ABRACL: variants seen among roughly 807,000 people sequenced by gnomAD.
The protein encoded by ABRACL is ABRA C-terminal like.
A neutral mutation model predicts 7.0 loss-of-function variants in ABRACL; 4 were observed. That is an observed-to-expected ratio of 0.57 (90% CI 0.28 to 1.30). ABRACL has a LOEUF of 1.30. Ranked by LOEUF, ABRACL falls within the 50% of genes most tolerant of loss-of-function variation. The pLI is 0.10. For missense variants in ABRACL, 104 were observed against 97.3 expected, an observed-to-expected ratio of 1.07 and a Z score of -0.29; for synonymous variants, 30 against 36.0, an observed-to-expected ratio of 0.83 and a Z score of 0.60.
intron 2 of ABRACL, 124 bp from the exon 3 acceptor site, chr6:139,042,595 A>G (rs1786268362): frequency 1.2e-6 from 1 of 834,348 alleles, no homozygotes; most frequent in Non-Finnish European, 1.9e-6. Flanking sequence ...TATGACTGTT[A>G]AGTGTTAAAT....
chr6:139,037,021 A>G (rs4896420), intron 2 of ABRACL, among the ~76,000 whole-genome samples: 2,509 of 109,532 alleles, frequency 0.023, 66 homozygotes, highest in Admixed American at 0.08. Flanking sequence ...TCATGAGGCA[A>G]TTATCCGAAA....
intron 1 of ABRACL, among the ~76,000 whole-genome samples, chr6:139,030,243 T>G (rs911017352): frequency 6.6e-6 from 1 of 152,190 alleles, no homozygotes; most frequent in African/African-American, 2.4e-5. Context: ...GTAATTGGTA[T>G]ATCCATCACC....
At chr6:139,030,066 C>T (rs981441545) in intron 1 of ABRACL, among the ~76,000 whole-genome samples, 2 of 152,108 alleles carry the variant, frequency 1.3e-5, no homozygotes, top group South Asian at 4.1e-4. Flanking sequence ...ACCTCGCCTT[C>T]CCTGGAGCCT....
intron 2 of ABRACL, among the ~76,000 whole-genome samples, chr6:139,036,036 G>A (rs1266516988): frequency 1.4e-4 from 21 of 151,920 alleles, no homozygotes; most frequent in Admixed American, 8.5e-4. Flanking sequence ...CTCGGGAGGC[G>A]GAGGTTGCAG....
At chr6:139,037,868 C>T (rs1786187714) in intron 2 of ABRACL, among the ~76,000 whole-genome samples, 1 of 151,284 alleles carries the variant, frequency 6.6e-6, no homozygotes, top group Non-Finnish European at 1.5e-5. Context: ...CCTCTGCCTC[C>T]TGGGTTCAAA....
Position 139,042,862 on chromosome 6 carries a change from G to C in ABRACL, c.205G>C (p.Gly69Arg). The change falls in exon 3 of 3, where the codon GGT becomes CGT. Residue 69 changes from glycine to arginine, a missense_variant. Physicochemically the swap from Gly to Arg is moderately radical, Grantham distance 125 (BLOSUM62 -2). Coordinates refer to ENST00000367660, the MANE Select transcript of ABRACL (RefSeq NM_021243.3). ...ATATCCAGGAGAGCTGCTTCTGCAA[G>C]GTGTTCATGATGATGTTGACATTAT... The part of the protein sequence containing the change: ...VTYPGELLLQ[G>R]VHDDVDIILL... 2 of 1,613,464 alleles carry C rather than the reference G, an allele frequency of 1.2e-6. No individual in the cohort carries two copies. The highest frequency in any genetic ancestry group is 1.7e-6 in the Non-Finnish European group (2 of 1,179,780).
chr6:139,038,966 A>G (rs747357630), intron 2 of ABRACL, among the ~76,000 whole-genome samples: 1 of 152,342 alleles, frequency 6.6e-6, no homozygotes, highest in Middle Eastern at 3.4e-3. Context: ...GCTCATGCCT[A>G]TAATCCCAGC....
chr6:139,029,582 G>A (rs1786048241), intron 1 of ABRACL, among the ~76,000 whole-genome samples: 1 of 152,162 alleles, frequency 6.6e-6, no homozygotes, highest in African/African-American at 2.4e-5. Context: ...CCCCAGCCCT[G>A]CACTGGTGCC....
At position 139,034,429 on chromosome 6, in the gene ABRACL, A is replaced by G. The variant is rs1368353071; in HGVS notation, c.61+208A>G. The G allele has an allele frequency of 1.3e-5, 19 of 1,519,700 alleles. No homozygotes were observed. The East Asian group carries it at 3.7e-4, about 30-fold the overall frequency. The allele number at this position is 1,519,700 out of a possible 1,614,324, so 94.1% of individuals were successfully genotyped here. A position where few individuals can be genotyped will look rare whatever the true frequency, so the allele number is the denominator to read the frequency against. ...TTTTGGGGTATTGTGATTCTGATGC[A>G]GGGAATAGTTGAGATATTTCATTAT... On this transcript the variant is annotated intron_variant, in intron 2 of 2. Coordinates refer to ENST00000367660, the MANE Select transcript of ABRACL (RefSeq NM_021243.3).
At chr6:139,032,846 G>C (rs1786102640) in intron 1 of ABRACL, among the ~76,000 whole-genome samples, 1 of 152,196 alleles carries the variant, frequency 6.6e-6, no homozygotes, top group South Asian at 2.1e-4. Flanking sequence ...GTTCTTTTCA[G>C]TTCATGAGGT....
chr6:139,031,868 A>G (rs1034278939), intron 1 of ABRACL, among the ~76,000 whole-genome samples: 7 of 152,176 alleles, frequency 4.6e-5, no homozygotes, highest in Admixed American at 3.9e-4. Flanking sequence ...CTTTATCCAA[A>G]CAAAACATAG....
At chr6:139,029,923 A>G (rs1328622233) in intron 1 of ABRACL, among the ~76,000 whole-genome samples, 4 of 152,130 alleles carry the variant, frequency 2.6e-5, no homozygotes, top group Non-Finnish European at 5.9e-5. Flanking sequence ...AGGGTCCTTA[A>G]ATACATTCTA....
chr6:139,029,603 G>A (rs1342362063), intron 1 of ABRACL, among the ~76,000 whole-genome samples: 6 of 152,160 alleles, frequency 3.9e-5, no homozygotes, highest in African/African-American at 1.4e-4. Context: ...GGCGGTGACC[G>A]TGTGATGATG....
intron 1 of ABRACL, 70 bp from the exon 2 acceptor site, chr6:139,034,085 G>A (rs1786120410): frequency 1.3e-6 from 2 of 1,591,844 alleles, no homozygotes; most frequent in African/African-American, 1.3e-5. Flanking sequence ...AAGACAAAGG[G>A]CTCTTGGATT....
intron 2 of ABRACL, 50 bp from the exon 3 acceptor site, chr6:139,042,666 TGAG>T: frequency 1.3e-6 from 2 of 1,510,988 alleles, no homozygotes; most frequent in Admixed American, 1.9e-5. Context: ...CTTCCATACT[TGAG>T]GGTATGAAAC....
intron 1 of ABRACL, among the ~76,000 whole-genome samples, chr6:139,029,408 C>T (rs1786044125): frequency 6.6e-6 from 1 of 151,952 alleles, no homozygotes; most frequent in Non-Finnish European, 1.5e-5. Flanking sequence ...GTTTTCGTCG[C>T]CCGGGTTGGG....
intron 2 of ABRACL, among the ~76,000 whole-genome samples, chr6:139,042,292 C>T (rs1786264003): frequency 1.3e-5 from 2 of 152,170 alleles, no homozygotes; most frequent in South Asian, 2.1e-4. Context: ...TTTTAAGGAG[C>T]CCCCCACTCC....
At chr6:139,041,491 A>ATG (rs1165991838) in intron 2 of ABRACL, among the ~76,000 whole-genome samples, 2,282 of 63,286 alleles carry the variant, frequency 0.036, 32 homozygotes, top group African/African-American at 0.054. Flanking sequence ...CTATATATAT[A>ATG]TATGTGTGTG....
intron 1 of ABRACL, among the ~76,000 whole-genome samples, 161 bp downstream of exon 1, chr6:139,029,036 C>A (rs1786036305): frequency 1.3e-5 from 2 of 152,038 alleles, no homozygotes; most frequent in Admixed American, 6.5e-5. Flanking sequence ...GCCGAGACCT[C>A]GCGGGTTGGG....
Sources: gnomAD v4.1 joint callset for allele counts (sites outside exome capture counted in the v4.1 genomes callset) on GRCh38, gnomAD v4.1.1 for gene constraint, MANE v1.5 for transcripts, NCBI Gene and HGNC (gene_info 2026-07-23, HGNC 2026-07-21) for gene names.